The following LIN28B variants were observed in gnomAD, a reference collection of about 807,000 sequenced individuals.
The protein encoded by LIN28B is protein lin-28 homolog B.
LIN28B carries 5 observed loss-of-function variants against 21.9 expected under a neutral mutation model. The ratio of observed to expected loss-of-function variants is 0.23; its 90% CI spans 0.12 to 0.48. The LOEUF (loss-of-function observed/expected upper bound fraction) is 0.48. Ranked by LOEUF, LIN28B falls within the 20% of genes least tolerant of loss-of-function variation. The pLI, the probability that LIN28B is intolerant of heterozygous loss-of-function variation, is 0.98. For synonymous variants in LIN28B, 109 were observed against 111.3 expected (o/e 0.98, Z 0.13); for missense variants, 245 against 310.5 (o/e 0.79, Z 1.58).
At chr6:104,955,692 A>T (rs1263091419), upstream of LIN28B, among the ~76,000 whole-genome samples, 2 of 133,546 alleles carry the variant, frequency 1.5e-5, no homozygotes, top group African/African-American at 5.9e-5. Flanking sequence ...ATGGTGGGGG[A>T]GGGTCAACTC....
chr6:104,970,631 A>G (rs996787086), intron 2 of LIN28B, among the ~76,000 whole-genome samples: 2 of 152,150 alleles, frequency 1.3e-5, no homozygotes, highest in South Asian at 2.1e-4. Context: ...TTATTTTTCT[A>G]TCAGTTATCT....
At chr6:105,074,106 T>G (rs552505689) in intron 3 of LIN28B, among the ~76,000 whole-genome samples, 17 of 152,356 alleles carry the variant, frequency 1.1e-4, no homozygotes, top group African/African-American at 4.1e-4. Flanking sequence ...AGAATATAAT[T>G]AAATAGTTCT....
At chr6:104,966,030 G>A (rs1452297159) in intron 2 of LIN28B, among the ~76,000 whole-genome samples, 2 of 152,102 alleles carry the variant, frequency 1.3e-5, no homozygotes, top group African/African-American at 4.8e-5. Flanking sequence ...CCTATAAATC[G>A]GAGGACAAAA....
chr6:105,018,522 G>T (rs913963702), intron 2 of LIN28B, among the ~76,000 whole-genome samples: 10 of 152,128 alleles, frequency 6.6e-5, no homozygotes, highest in Non-Finnish European at 1.3e-4. Flanking sequence ...TACACCTCAC[G>T]TGTAAAGCTT....
chr6:105,009,083 G>A (rs900287107), intron 2 of LIN28B, among the ~76,000 whole-genome samples: 1 of 152,160 alleles, frequency 6.6e-6, no homozygotes, highest in Admixed American at 6.5e-5. Flanking sequence ...GTGAATGGCT[G>A]TGCACAAGCC....
At chr6:105,015,277 A>G (rs1771004226) in intron 2 of LIN28B, among the ~76,000 whole-genome samples, 1 of 152,106 alleles carries the variant, frequency 6.6e-6, no homozygotes, top group African/African-American at 2.4e-5. Context: ...CCATTATGAA[A>G]TGTCCTTCTT....
chr6:105,078,501 C>T lies in LIN28B; in HGVS notation c.471C>T (p.Ile157=), dbSNP rs769193426. The T allele has an allele frequency of 1.4e-5, 23 of 1,614,012 alleles. No homozygotes were observed. The highest frequency in any genetic ancestry group is 1.9e-5 in the Non-Finnish European group (23 of 1,180,010). The change falls in exon 4 of 4, where the codon ATC becomes ATT. Residue 157 remains isoleucine, a synonymous_variant. Coordinates refer to ENST00000345080, the MANE Select transcript of LIN28B (RefSeq NM_001004317.4). ...QPKKCHYCQS[I]MHMVANCPHK... ...AGAAGTGCCATTACTGTCAGAGCAT[C>T]ATGCACATGGTGGCAAACTGCCCAC... is the stretch of plus-strand genomic sequence containing the variant.
chr6:105,002,543 G>C (rs1770739871), intron 2 of LIN28B, among the ~76,000 whole-genome samples: 1 of 152,144 alleles, frequency 6.6e-6, no homozygotes, highest in African/African-American at 2.4e-5. Flanking sequence ...TGACTCCACA[G>C]TTGCAAGAAC....
At chr6:104,959,143 C>G (rs79348985) in intron 2 of LIN28B, among the ~76,000 whole-genome samples, 24 of 152,282 alleles carry the variant, frequency 1.6e-4, no homozygotes, top group South Asian at 2.1e-4. Context: ...TCTGCCTTTA[C>G]TCCTCTCTAC....
intron 2 of LIN28B, among the ~76,000 whole-genome samples, chr6:104,995,336 A>C (rs1770576212): frequency 6.6e-6 from 1 of 152,178 alleles, no homozygotes; most frequent in African/African-American, 2.4e-5. Flanking sequence ...CAAGCATACG[A>C]GTGACTTATT....
intron 3 of LIN28B, among the ~76,000 whole-genome samples, chr6:105,054,911 T>C (rs1771992080): frequency 6.6e-6 from 1 of 152,156 alleles, no homozygotes; most frequent in African/African-American, 2.4e-5. Context: ...ATATCTTTAT[T>C]TTGACCTAAT....
At chr6:105,005,997 G>A (rs935976615) in intron 2 of LIN28B, among the ~76,000 whole-genome samples, 8 of 152,132 alleles carry the variant, frequency 5.3e-5, no homozygotes, top group African/African-American at 1.9e-4. Context: ...AATATTAATT[G>A]CAGTTGTTAA....
At chr6:104,940,553 A>C (rs1778069635) in intron 2 of LIN28B, 2 of 150,336 alleles carry the variant, frequency 1.3e-5, no homozygotes, top group Admixed American at 6.6e-5. Flanking sequence ...CCTGGAATGA[A>C]TGGAAGGTTC....
chr6:105,063,647 G>C (rs9377688), intron 3 of LIN28B, among the ~76,000 whole-genome samples: 15 of 117,954 alleles, frequency 1.3e-4, no homozygotes, highest in African/African-American at 5.9e-4. Context: ...GGGGGGGGGG[G>C]GAAAAAAAGG....
At chr6:104,994,434 G>A (rs1770558549) in intron 2 of LIN28B, among the ~76,000 whole-genome samples, 1 of 152,300 alleles carries the variant, frequency 6.6e-6, no homozygotes, top group East Asian at 1.9e-4. Context: ...GCCAGGCATT[G>A]TGTTAGCTAT....
intron 2 of LIN28B, among the ~76,000 whole-genome samples, chr6:104,972,955 A>G (rs1770008800): frequency 6.6e-6 from 1 of 152,146 alleles, no homozygotes; most frequent in Non-Finnish European, 1.5e-5. Context: ...TACTAAAAAT[A>G]TAAAAATTAG....
intron 2 of LIN28B, among the ~76,000 whole-genome samples, chr6:104,963,013 C>T (rs1175002091): frequency 6.6e-6 from 1 of 152,082 alleles, no homozygotes; most frequent in Non-Finnish European, 1.5e-5. Flanking sequence ...TGCTTTAAGG[C>T]CGTTTAATCA....
chr6:105,045,878 T>G (rs1306172482), intron 3 of LIN28B, among the ~76,000 whole-genome samples: 1 of 152,078 alleles, frequency 6.6e-6, no homozygotes, highest in Non-Finnish European at 1.5e-5. Context: ...AAGTGATCAG[T>G]ATGTAATGTG....
At chr6:104,988,880 C>T (rs1200243535) in intron 2 of LIN28B, among the ~76,000 whole-genome samples, 1 of 152,074 alleles carries the variant, frequency 6.6e-6, no homozygotes, top group Admixed American at 6.6e-5. Context: ...TGCCCAGCCA[C>T]TACCTAGATT....
Sources: gnomAD v4.1 joint callset for allele counts (sites outside exome capture counted in the v4.1 genomes callset) on GRCh38, gnomAD v4.1.1 for gene constraint, MANE v1.5 for transcripts, NCBI Gene and HGNC (gene_info 2026-07-23, HGNC 2026-07-21) for gene names.